Variants in ABI3BP observed in about 807,000 individuals in gnomAD.
The protein encoded by ABI3BP is target of Nesh-SH3.
Under a neutral mutation model 268.6 loss-of-function variants are expected in ABI3BP, and 216 were observed. The observed-to-expected ratio is 0.80, with a 90% CI of 0.72 to 0.90. The LOEUF is 0.90. Among genes scored for constraint, ABI3BP ranks in the 40% least tolerant of loss-of-function variants. ABI3BP has a pLI of 0.00. For synonymous variants in ABI3BP, 730 were observed against 730.0 expected (o/e 1.00, Z 0.00); for missense variants, 2,090 against 2,182.4 (o/e 0.96, Z 0.84).
intron 2 of ABI3BP, among the ~76,000 whole-genome samples, chr3:100,921,727 T>C (rs1237421588): frequency 6.6e-6 from 1 of 152,242 alleles, no homozygotes; most frequent in African/African-American, 2.4e-5. Context: ...AGGTTTTATT[T>C]ACTTTTGCAT....
intron 2 of ABI3BP, among the ~76,000 whole-genome samples, chr3:100,917,168 G>A (rs1225304516): frequency 2.6e-5 from 4 of 152,160 alleles, no homozygotes; most frequent in Non-Finnish European, 5.9e-5. Context: ...CCCTGATTGT[G>A]GAGCCCATCA....
chr3:100,928,260 T>G (rs1242627757), intron 1 of ABI3BP, among the ~76,000 whole-genome samples: 1 of 152,128 alleles, frequency 6.6e-6, no homozygotes, highest in Admixed American at 6.6e-5. Flanking sequence ...TCCCCAGAGA[T>G]TTAATATTTA....
At position 100,807,456 on chromosome 3, in the gene ABI3BP, T is replaced by G. The variant is rs1021710752; in HGVS notation, c.3682+705A>C. 2.1e-4 allele frequency among the ~76,000 whole-genome samples: 32 copies of G among 152,008 alleles called. 1 individual carries two copies. Among genetic ancestry groups the G allele is most frequent in the Non-Finnish European group, 1.5e-5 (1 of 67,986 alleles). On this transcript the variant is annotated intron_variant, in intron 50 of 67. Coordinates refer to ENST00000471714, the MANE Select transcript of ABI3BP (RefSeq NM_001375547.2). ...TAAGTTTTAGTAATTAGAACATATT[T>G]AAAATTATGCTAAATAAGGCAGATT...
intron 1 of ABI3BP, among the ~76,000 whole-genome samples, chr3:100,963,969 A>G (rs929417117): frequency 6.6e-6 from 1 of 152,208 alleles, no homozygotes; most frequent in Non-Finnish European, 1.5e-5. Flanking sequence ...CTCCTTTACA[A>G]AGAACATTCA....
At chr3:100,785,442 T>C (rs980704238) in intron 57 of ABI3BP, among the ~76,000 whole-genome samples, 2 of 152,166 alleles carry the variant, frequency 1.3e-5, no homozygotes, top group Non-Finnish European at 2.9e-5. Context: ...TTTTTAAACA[T>C]TTTTTCCTCA....
chr3:100,959,954 GTT>G (rs1175227967), intron 1 of ABI3BP, among the ~76,000 whole-genome samples: 2 of 152,070 alleles, frequency 1.3e-5, no homozygotes, highest in African/African-American at 4.8e-5. Context: ...CACAAAGTCA[GTT>G]TTTTTAAAAA....
intron 58 of ABI3BP, among the ~76,000 whole-genome samples, chr3:100,779,641 A>C (rs1469543645): frequency 6.6e-6 from 1 of 150,948 alleles, no homozygotes; most frequent in Admixed American, 6.6e-5. Flanking sequence ...CTATGTGTTC[A>C]GGAGTGTACT....
intron 1 of ABI3BP, chr3:100,945,643 C>G: frequency 8.9e-6 from 4 of 450,944 alleles, no homozygotes; most frequent in Non-Finnish European, 1.8e-5. Flanking sequence ...ACTCATCCAT[C>G]CATGCTGTAT....
intron 26 of ABI3BP, among the ~76,000 whole-genome samples, 164 bp downstream of exon 26, chr3:100,838,046 T>A (rs2098631644): frequency 6.6e-6 from 1 of 152,230 alleles, no homozygotes. Context: ...ATTGACTTTT[T>A]CATTTAGCAC....
intron 63 of ABI3BP, among the ~76,000 whole-genome samples, chr3:100,763,221 G>T (rs2096070557): frequency 6.6e-6 from 1 of 152,104 alleles, no homozygotes; most frequent in African/African-American, 2.4e-5. Context: ...AGCACTTTGG[G>T]AAGCTGAGGC....
chr3:100,795,471 C>T (rs995166483), intron 53 of ABI3BP, among the ~76,000 whole-genome samples: 1 of 152,058 alleles, frequency 6.6e-6, no homozygotes, highest in African/African-American at 2.4e-5. Context: ...AAACTTACCA[C>T]ATACTAGTAT....
At chr3:100,931,941 C>T (rs2063775967) in intron 1 of ABI3BP, among the ~76,000 whole-genome samples, 1 of 151,992 alleles carries the variant, frequency 6.6e-6, no homozygotes, top group African/African-American at 2.4e-5. Context: ...CATCAAACTA[C>T]CTGCCTTCAA....
intron 9 of ABI3BP, among the ~76,000 whole-genome samples, chr3:100,868,900 A>C (rs971923391): frequency 1.6e-4 from 24 of 151,940 alleles, no homozygotes; most frequent in Admixed American, 6.6e-4. Flanking sequence ...TCTGATTGTC[A>C]ACACAGAAAA....
chr3:100,878,960 C>T (rs150480895), intron 6 of ABI3BP, among the ~76,000 whole-genome samples: 3 of 152,158 alleles, frequency 2.0e-5, no homozygotes, highest in African/African-American at 4.8e-5. Flanking sequence ...GTGCACAATG[C>T]GGGATGATTA....
At chr3:100,894,596 G>C (rs2046271432) in intron 4 of ABI3BP, among the ~76,000 whole-genome samples, 1 of 152,120 alleles carries the variant, frequency 6.6e-6, no homozygotes, top group Non-Finnish European at 1.5e-5. Flanking sequence ...AAAGGCAAGA[G>C]AGTCTGCTCT....
chr3:100,824,019 T>G (rs1197591191), intron 36 of ABI3BP, among the ~76,000 whole-genome samples: 1 of 152,196 alleles, frequency 6.6e-6, no homozygotes, highest in Non-Finnish European at 1.5e-5. Context: ...TTGAGACCTC[T>G]GTCCAAACCA....
intron 10 of ABI3BP, among the ~76,000 whole-genome samples, chr3:100,865,649 G>A (rs755947672): frequency 3.3e-5 from 5 of 152,182 alleles, no homozygotes; most frequent in Non-Finnish European, 7.4e-5. Flanking sequence ...CAATAACCCT[G>A]AGTAATAAGT....
rs1231973916 is a variant in ABI3BP at position 100,869,543 on chromosome 3, C to T, written c.911-2587G>A. On this transcript the variant is annotated intron_variant, in intron 9 of 67. Transcript: ENST00000471714. ...TATTACTAATATTATTTTGCAAAAA[C>T]GGGATCTCACTATGTTGCCAGGCTG... is the stretch of plus-strand genomic sequence containing the variant. 2.6e-5 allele frequency among the ~76,000 whole-genome samples: 4 copies of T among 151,668 alleles called. No individual in the cohort carries two copies. The East Asian group carries it at 5.8e-4, about 22-fold the overall frequency.
intron 26 of ABI3BP, 89 bp from the exon 27 acceptor site, chr3:100,837,260 C>T (rs1044809093): frequency 8.8e-6 from 9 of 1,021,150 alleles, no homozygotes; most frequent in Non-Finnish European, 1.3e-5. Context: ...TCAGAGGACA[C>T]AGAGTCTAGT....
Sources: allele counts gnomAD v4.1 joint callset (sites outside exome capture counted in the v4.1 genomes callset), GRCh38; gene constraint gnomAD v4.1.1; transcripts MANE v1.5; gene names NCBI Gene and HGNC (gene_info 2026-07-23, HGNC 2026-07-21).